GRM7: variants seen among roughly 807,000 people sequenced by gnomAD.
GRM7 encodes metabotropic glutamate receptor 7.
In GRM7, 35 loss-of-function variants were observed where a neutral mutation model predicts 84.5. The observed-to-expected ratio is 0.41, with a 90% CI of 0.32 to 0.55. GRM7 has a LOEUF of 0.55. Among genes scored for constraint, GRM7 ranks in the 20% least tolerant of loss-of-function variants. The pLI, the probability that GRM7 is intolerant of heterozygous loss-of-function variation, is 0.19. For missense variants in GRM7, 1,003 were observed against 1,194.6 expected, an observed-to-expected ratio of 0.84 and a Z score of 2.36; for synonymous variants, 487 against 455.1, an observed-to-expected ratio of 1.07 and a Z score of -0.89.
chr3:7,157,513 T>C (rs1289801424), intron 2 of GRM7, among the ~76,000 whole-genome samples: 1 of 152,096 alleles, frequency 6.6e-6, no homozygotes, highest in African/African-American at 2.4e-5. Context: ...CTTTTTTCTT[T>C]TTCCTCTAAC....
At chr3:7,734,022 C>A (rs145461083) in intron 9 of GRM7, among the ~76,000 whole-genome samples, 98 of 152,254 alleles carry the variant, frequency 6.4e-4, no homozygotes, top group African/African-American at 2.4e-3. Flanking sequence ...ATTATAAGTT[C>A]TATAACAATA....
intron 5 of GRM7, among the ~76,000 whole-genome samples, chr3:7,443,606 A>T (rs982489936): frequency 2.0e-5 from 3 of 152,044 alleles, no homozygotes; most frequent in African/African-American, 7.2e-5. Context: ...TATTTTCTGC[A>T]TTTCCTGTAA....
chr3:6,995,444 C>T (rs547507520), intron 1 of GRM7, among the ~76,000 whole-genome samples: 4 of 152,264 alleles, frequency 2.6e-5, no homozygotes, highest in South Asian at 4.1e-4. Flanking sequence ...TGTTTTAAAC[C>T]TCTGAGGTGT....
At chr3:7,212,404 G>A (rs572066900) in intron 2 of GRM7, among the ~76,000 whole-genome samples, 4 of 151,938 alleles carry the variant, frequency 2.6e-5, no homozygotes, top group African/African-American at 9.7e-5. Context: ...CCAATAAATA[G>A]ATATTAAGTC....
chr3:7,499,666 G>A (rs1393097938), intron 7 of GRM7, among the ~76,000 whole-genome samples: 2 of 152,202 alleles, frequency 1.3e-5, no homozygotes, highest in South Asian at 2.1e-4. Flanking sequence ...GGCAGAGTTG[G>A]CAATTAAAGT....
chr3:7,435,356 G>A lies in GRM7; in HGVS notation c.1175-17251G>A, dbSNP rs1038840902. On this transcript the variant is annotated intron_variant, in intron 5 of 9. Coordinates refer to ENST00000357716, the MANE Select transcript of GRM7 (RefSeq NM_000844.4). Reference sequence around the variant, plus strand: ...TTTTTTTATATTTTTAGTAGAGACGGGTTTTCACAGGCTGATCTCAAACAC... The same window carrying A: ...TTTTTTTATATTTTTAGTAGAGACGAGTTTTCACAGGCTGATCTCAAACAC... Among the ~76,000 whole-genome samples the A allele has an allele frequency of 2.6e-5, 4 of 151,896 alleles. No individual in the cohort carries two copies. The South Asian group carries it at 8.3e-4, about 32-fold the overall frequency.
intron 8 of GRM7, among the ~76,000 whole-genome samples, chr3:7,637,340 A>G (rs1698142224): frequency 6.6e-6 from 1 of 152,164 alleles, no homozygotes; most frequent in South Asian, 2.1e-4. Context: ...AAAGATGTGT[A>G]TTAGAAGGTG....
intron 7 of GRM7, among the ~76,000 whole-genome samples, chr3:7,514,971 A>C (rs1700326210): frequency 1.3e-5 from 2 of 151,902 alleles, no homozygotes; most frequent in Admixed American, 1.3e-4. Context: ...CACAGAAGAC[A>C]TCTAGTGCTT....
At chr3:6,886,803 A>T (rs1420311214) in intron 1 of GRM7, among the ~76,000 whole-genome samples, 1 of 151,822 alleles carries the variant, frequency 6.6e-6, no homozygotes, top group East Asian at 1.9e-4. Context: ...AATAATAAAC[A>T]GTTTAATAAA....
chr3:7,664,657 C>T (rs1056938984), intron 8 of GRM7, among the ~76,000 whole-genome samples: 9 of 152,182 alleles, frequency 5.9e-5, no homozygotes, highest in Non-Finnish European at 1.3e-4. Context: ...CTATCCCTCC[C>T]CAACCCCCAT....
intron 7 of GRM7, among the ~76,000 whole-genome samples, chr3:7,479,020 G>A (rs1699032368): frequency 1.3e-5 from 2 of 148,336 alleles, no homozygotes; most frequent in Non-Finnish European, 3.0e-5. Flanking sequence ...TCAGAAGTCC[G>A]GCTTGGAAGT....
intron 1 of GRM7, among the ~76,000 whole-genome samples, chr3:6,880,926 G>C (rs1048926360): frequency 6.6e-6 from 1 of 152,062 alleles, no homozygotes; most frequent in African/African-American, 2.4e-5. Flanking sequence ...TAATCAGTAT[G>C]TTATTATAAT....
At chr3:7,181,757 C>A (rs1354947560) in intron 2 of GRM7, among the ~76,000 whole-genome samples, 1 of 151,994 alleles carries the variant, frequency 6.6e-6, no homozygotes, top group African/African-American at 2.4e-5. Flanking sequence ...TACAGGCATG[C>A]ACCAGCACAC....
chr3:7,447,613 G>A (rs1304255387), intron 5 of GRM7, among the ~76,000 whole-genome samples: 2 of 152,112 alleles, frequency 1.3e-5, no homozygotes, highest in African/African-American at 2.4e-5. Context: ...ACTACAAAAT[G>A]ACTGGAGTAG....
chr3:7,214,965 G>A (rs1236557998), intron 2 of GRM7, among the ~76,000 whole-genome samples: 1 of 152,068 alleles, frequency 6.6e-6, no homozygotes, highest in Non-Finnish European at 1.5e-5. Flanking sequence ...ATAATGACAT[G>A]TCTTTATTTA....
Position 7,230,650 on chromosome 3 carries a change from G to C in GRM7, c.737-68034G>C, listed in dbSNP as rs547180351. ...ATTAGAAGGTGGGTATGGGTCAGCGGCTTAATGCAGCTTTCAAAGAGACTT... is the reference window on the plus strand; with the variant it reads ...ATTAGAAGGTGGGTATGGGTCAGCGCCTTAATGCAGCTTTCAAAGAGACTT... On this transcript the variant is annotated intron_variant, in intron 2 of 9. Coordinates refer to ENST00000357716, the MANE Select transcript of GRM7 (RefSeq NM_000844.4). Among the ~76,000 whole-genome samples, 31 of 152,304 alleles carry C rather than the reference G, an allele frequency of 2.0e-4. 1 individual carries two copies. The highest frequency in any genetic ancestry group is 7.2e-4 in the African/African-American group (30 of 41,568).
chr3:7,244,326 A>G (rs1478472366), intron 2 of GRM7, among the ~76,000 whole-genome samples: 3 of 152,104 alleles, frequency 2.0e-5, no homozygotes, highest in African/African-American at 4.8e-5. Context: ...CACCCAATCG[A>G]CTGGTGGTGA....
At chr3:6,896,545 C>A (rs1696188931) in intron 1 of GRM7, among the ~76,000 whole-genome samples, 1 of 152,150 alleles carries the variant, frequency 6.6e-6, no homozygotes, top group Non-Finnish European at 1.5e-5. Flanking sequence ...GCAGGGTAAG[C>A]ATTGCACCTG....
intron 2 of GRM7, among the ~76,000 whole-genome samples, chr3:7,296,684 A>G (rs549723584): frequency 2.8e-4 from 43 of 152,218 alleles, no homozygotes; most frequent in African/African-American, 1.0e-3. Flanking sequence ...TCCTCATATT[A>G]TATTTTGATA....
Sources: allele counts gnomAD v4.1 joint callset (sites outside exome capture counted in the v4.1 genomes callset), GRCh38; gene constraint gnomAD v4.1.1; transcripts MANE v1.5; gene names NCBI Gene and HGNC (gene_info 2026-07-23, HGNC 2026-07-21).